The following SASH1 variants were observed in gnomAD, a reference collection of about 807,000 sequenced individuals.
SASH1 encodes SAM and SH3 domain containing 1.
SASH1 carries 44 observed loss-of-function variants against 125.2 expected under a neutral mutation model. The ratio of observed to expected loss-of-function variants is 0.35; its 90% CI spans 0.28 to 0.45. SASH1 has a LOEUF of 0.45. Ranked by LOEUF, SASH1 falls within the 20% of genes least tolerant of loss-of-function variation. The pLI, the probability that SASH1 is intolerant of heterozygous loss-of-function variation, is 1.00. For synonymous variants in SASH1, 639 were observed against 649.1 expected (o/e 0.98, Z 0.24); for missense variants, 1,426 against 1,614.5 (o/e 0.88, Z 2.00).
Position 148,533,719 on chromosome 6 carries a change from G to C in SASH1, c.1735-52G>C. 6.6e-7 allele frequency: 1 copy of C among 1,506,412 alleles called. No individual in the cohort carries two copies. Among genetic ancestry groups the C allele is most frequent in the South Asian group, 1.2e-5 (1 of 86,726 alleles). The allele number at this position is 1,506,412 out of a possible 1,614,324, so 93.3% of individuals were successfully genotyped here. A position where few individuals can be genotyped will look rare whatever the true frequency, so the allele number is the denominator to read the frequency against. ...TGTGTATCTGACAGATTCTTGATTT[G>C]TACGTTCATGGAATGTACCTAATGG... On this transcript the variant is annotated intron_variant, in intron 14 of 19. Transcript: ENST00000367467. This position sits in a 1 kb window ranked among gnomAD's most constrained non-coding sequence, Gnocchi z 6.2.
intron 1 of SASH1, among the ~76,000 whole-genome samples, chr6:148,318,613 C>T (rs1780545553): frequency 7.8e-6 from 1 of 129,012 alleles, no homozygotes; most frequent in African/African-American, 2.5e-5. Context: ...AGTGCAATGG[C>T]ATGATCTTGG....
At chr6:148,413,729 C>G (rs1365228519) in intron 2 of SASH1, among the ~76,000 whole-genome samples, 1 of 152,050 alleles carries the variant, frequency 6.6e-6, no homozygotes, top group Non-Finnish European at 1.5e-5. Context: ...GGAATGGATA[C>G]AATAAGAGAA....
At position 148,527,597 on chromosome 6, in the gene SASH1, G is replaced by A. The variant is rs758770914; in HGVS notation, c.1428+1G>A. Reference sequence around the variant, plus strand: ...ATACAGCAGCTCTGTCTCTGAGCAGGTATGCAGCTACCTGGTAGAATGTTC... The same window carrying A: ...ATACAGCAGCTCTGTCTCTGAGCAGATATGCAGCTACCTGGTAGAATGTTC... On this transcript the variant is annotated splice_donor_variant, in intron 12 of 19. Transcript: ENST00000367467. LOFTEE classifies it high-confidence loss of function. 6.2e-7 allele frequency: 1 copy of A among 1,601,484 alleles called. No individual in the cohort carries two copies. Among genetic ancestry groups the A allele is most frequent in the South Asian group, 1.1e-5 (1 of 87,430 alleles).
chr6:148,306,906 G>C (rs1582944125), intron 1 of SASH1, among the ~76,000 whole-genome samples: 1 of 152,162 alleles, frequency 6.6e-6, no homozygotes, highest in Non-Finnish European at 1.5e-5. Flanking sequence ...AGGTGGGTCA[G>C]ATGACCAGGC....
At chr6:148,423,240 T>C (rs1387225463) in intron 2 of SASH1, among the ~76,000 whole-genome samples, 1 of 152,202 alleles carries the variant, frequency 6.6e-6, no homozygotes, top group Non-Finnish European at 1.5e-5. Context: ...CCCAGCCCCA[T>C]GTGTTTTTTA....
chr6:148,218,678 A>G, the SASH1 span, among the ~76,000 whole-genome samples: 2 of 152,044 alleles, frequency 1.3e-5, no homozygotes, highest in Non-Finnish European at 2.9e-5. Context: ...AGGACAGAAA[A>G]CTGACTCCTG....
intron 2 of SASH1, among the ~76,000 whole-genome samples, chr6:148,417,964 G>T (rs1784895364): frequency 6.6e-6 from 1 of 152,164 alleles, no homozygotes; most frequent in Admixed American, 6.5e-5. Context: ...GAAGCTCCAG[G>T]ATTGGCCCTG....
the SASH1 span, among the ~76,000 whole-genome samples, chr6:148,255,252 T>C: frequency 6.6e-6 from 1 of 152,124 alleles, no homozygotes; most frequent in Non-Finnish European, 1.5e-5. Flanking sequence ...TTGGTAGCCT[T>C]GGTTTCTCCT....
At chr6:148,310,426 A>G (rs1488313188) in intron 1 of SASH1, among the ~76,000 whole-genome samples, 1 of 7,560 alleles carries the variant, frequency 1.3e-4, no homozygotes, top group African/African-American at 1.2e-3. Context: ...CCATATGTGA[A>G]AAAAAAAAAA....
chr6:148,490,433 C>T (rs1172076777), intron 8 of SASH1, among the ~76,000 whole-genome samples: 2 of 152,158 alleles, frequency 1.3e-5, no homozygotes, highest in Admixed American at 1.3e-4. Context: ...TGGTCTCGAA[C>T]TCCTGACCTT....
chr6:148,548,396 C>T lies in SASH1; in HGVS notation c.3582C>T (p.Tyr1194=), dbSNP rs758399250. ...DWLISIGLPM[Y]AGTLSTAGFS... ...TCATTTCCATCGGTCTGCCCATGTA[C>T]GCCGGCACCCTCTCCACCGCGGGCT... The change falls in exon 20 of 20, where the codon TAC becomes TAT. Residue 1194 remains tyrosine, a synonymous_variant. Transcript: ENST00000367467. 19 of 1,614,066 alleles carry T rather than the reference C, an allele frequency of 1.2e-5. No homozygotes were observed. The highest frequency in any genetic ancestry group is 1.6e-4 in the Middle Eastern group (1 of 6,084).
intron 4 of SASH1, among the ~76,000 whole-genome samples, chr6:148,451,338 G>C (rs1777091833): frequency 6.6e-6 from 1 of 152,194 alleles, no homozygotes; most frequent in Admixed American, 6.5e-5. Context: ...TGAATAAAAA[G>C]TGCTTTCGGC....
chr6:148,199,200 G>A, the SASH1 span, among the ~76,000 whole-genome samples: 1 of 152,076 alleles, frequency 6.6e-6, no homozygotes, highest in African/African-American at 2.4e-5. Context: ...TGGCCAACAT[G>A]GCAAAACACT....
In SASH1 at chr6:148,343,106, T is replaced by TGAGCCCGAGCCCGAGCCGGAGCCC. The variant is rs781320600; in HGVS notation, c.47_70dup (p.Glu16_Pro23dup). On this transcript the variant is annotated inframe_insertion, in exon 1 of 20. Coordinates refer to ENST00000367467, the MANE Select transcript of SASH1 (RefSeq NM_015278.5). ...GAGCAGCTGGCCCGGGGCCGGAGCC[T>TGAGCCCGAGCCCGAGCCGGAGCCC]GAGCCCGAGCCCGAGCCGGAGCCCG... 5.1e-6 allele frequency: 8 copies of TGAGCCCGAGCCCGAGCCGGAGCCC among 1,573,522 alleles called. No homozygotes were observed. Among genetic ancestry groups the TGAGCCCGAGCCCGAGCCGGAGCCC allele is most frequent in the East Asian group, 2.3e-5 (1 of 43,546 alleles).
chr6:148,548,523 C>A lies in SASH1; in HGVS notation c.3709C>A (p.Leu1237Ile), dbSNP rs776396608. Reference sequence around the variant, plus strand: ...AAGAAAGCTCCTATCTGCAGCCAGACTCTTCAAACTGCCGCCAGGCCCTGA... The same window carrying A: ...AAGAAAGCTCCTATCTGCAGCCAGAATCTTCAAACTGCCGCCAGGCCCTGA... ...HIRKLLSAAR[L>I]FKLPPGPEAM Residue 1237 changes from leucine (L) to isoleucine (I), a missense_variant, in exon 20 of 20, where the codon CTC (leucine) becomes ATC (isoleucine). Around this residue, in one of 3 missense-constraint regions of SASH1, gnomAD observed 634 missense variants for 694.4 expected, o/e 0.91. Transcript: ENST00000367467. 6.2e-7 allele frequency: 1 copy of A among 1,612,142 alleles called. No homozygotes were observed. The highest frequency in any genetic ancestry group is 1.1e-5 in the South Asian group (1 of 90,676).
intron 11 of SASH1, among the ~76,000 whole-genome samples, chr6:148,526,609 AT>A: frequency 6.6e-6 from 1 of 152,148 alleles, no homozygotes. Flanking sequence ...AGAAAATATG[AT>A]TTTTTTCTTT....
At chr6:148,424,936 C>T (rs1775745812) in intron 2 of SASH1, among the ~76,000 whole-genome samples, 1 of 152,146 alleles carries the variant, frequency 6.6e-6, no homozygotes, top group Non-Finnish European at 1.5e-5. Flanking sequence ...TTTAAGAAGC[C>T]CTCCAGGGAT....
At chr6:148,387,983 C>T (rs373173072) in intron 1 of SASH1, among the ~76,000 whole-genome samples, 3 of 135,894 alleles carry the variant, frequency 2.2e-5, no homozygotes, top group African/African-American at 8.4e-5. Context: ...TGGCACAATC[C>T]TGGCTCACCG....
intron 2 of SASH1, among the ~76,000 whole-genome samples, chr6:148,438,434 A>G (rs542860358): frequency 6.6e-6 from 1 of 152,292 alleles, no homozygotes; most frequent in Non-Finnish European, 1.5e-5. Flanking sequence ...AACTCAAAAC[A>G]TTGTCCATAT....
Sources: allele counts gnomAD v4.1 joint callset (sites outside exome capture counted in the v4.1 genomes callset), GRCh38; gene constraint gnomAD v4.1.1; regional missense constraint gnomAD v4.1.1; non-coding constraint Gnocchi (gnomAD v3.1); transcripts MANE v1.5; gene names NCBI Gene and HGNC (gene_info 2026-07-23, HGNC 2026-07-21).